The following SGCZ variants were observed in gnomAD, a reference collection of about 807,000 sequenced individuals.
The protein encoded by SGCZ is zeta-sarcoglycan.
A neutral mutation model predicts 41.3 loss-of-function variants in SGCZ; 40 were observed. The observed-to-expected ratio is 0.97, with a 90% CI of 0.75 to 1.26. SGCZ has a LOEUF of 1.26. Ranked by LOEUF, SGCZ falls within the 50% of genes most tolerant of loss-of-function variation. The probability of loss-of-function intolerance (pLI) is 0.00; values close to 1 mark genes in which losing one functional copy is unlikely to be tolerated. For missense variants in SGCZ, 552 were observed against 369.8 expected (o/e 1.49, Z -4.04); for synonymous variants, 206 against 137.5 (o/e 1.50, Z -3.49).
chr8:14,834,427 T>C (rs1369997008), intron 1 of SGCZ, among the ~76,000 whole-genome samples: 4 of 152,162 alleles, frequency 2.6e-5, no homozygotes, highest in Non-Finnish European at 5.9e-5. Context: ...AGGTTTATTT[T>C]TCATGCTACA....
intron 4 of SGCZ, among the ~76,000 whole-genome samples, chr8:14,214,861 A>C (rs1382855301): frequency 6.6e-6 from 1 of 152,176 alleles, no homozygotes; most frequent in African/African-American, 2.4e-5. Flanking sequence ...TCTTCACAAT[A>C]TATGAAGTAA....
At chr8:14,276,256 T>G (rs1206644315) in intron 3 of SGCZ, among the ~76,000 whole-genome samples, 1 of 152,154 alleles carries the variant, frequency 6.6e-6, no homozygotes, top group Non-Finnish European at 1.5e-5. Context: ...TGGTGTGTAT[T>G]TACTTGAGCC....
intron 1 of SGCZ, among the ~76,000 whole-genome samples, chr8:14,672,127 T>C (rs923754244): frequency 6.9e-4 from 105 of 152,270 alleles, no homozygotes; most frequent in African/African-American, 2.5e-3. Context: ...TAAAAAGAAC[T>C]GTGAGGTTCT....
intron 7 of SGCZ, among the ~76,000 whole-genome samples, chr8:14,099,957 CATCCATCATTTT>C (rs1002038432): frequency 8.9e-4 from 107 of 119,768 alleles, no homozygotes; most frequent in African/African-American, 2.7e-3. Context: ...TCCATCATTT[CATCCATCATTTT>C]AGATACCTCA....
intron 1 of SGCZ, among the ~76,000 whole-genome samples, chr8:15,171,816 CCTT>C (rs1799838451): frequency 2.0e-5 from 3 of 152,262 alleles, no homozygotes; most frequent in East Asian, 3.9e-4. Context: ...CCTAGTAAAA[CCTT>C]CTCTCAATTC....
chr8:14,455,856 G>A (rs6651381), intron 2 of SGCZ, among the ~76,000 whole-genome samples: 66,465 of 152,020 alleles, frequency 0.44, 15,298 homozygotes, highest in African/African-American at 0.58. Flanking sequence ...GTACAAAAGA[G>A]TGTTTGCAGT....
At chr8:14,727,788 G>A (rs984135891) in intron 1 of SGCZ, among the ~76,000 whole-genome samples, 3 of 152,046 alleles carry the variant, frequency 2.0e-5, no homozygotes, top group African/African-American at 7.2e-5. Flanking sequence ...CTGGGCGTGA[G>A]CCACCGCGCC....
rs751832978 is a variant in SGCZ, at chr8:14,087,258, G to C, written c.*3185C>G. On this transcript the variant is annotated 3_prime_UTR_variant, in exon 8 of 8. Transcript: ENST00000382080. ...AGTACCGGATAGAAATTTTGGAAAT[G>C]TTGAACAAGGGAAGTAGGAAATTTG... Among the ~76,000 whole-genome samples the C allele has an allele frequency of 6.6e-6, 1 of 151,412 alleles. No individual in the cohort carries two copies. Among genetic ancestry groups the C allele is most frequent in the South Asian group, 2.1e-4 (1 of 4,812 alleles).
intron 1 of SGCZ, among the ~76,000 whole-genome samples, chr8:14,614,424 G>C (rs552712003): frequency 6.6e-6 from 1 of 152,166 alleles, no homozygotes; most frequent in South Asian, 2.1e-4. Flanking sequence ...CATGAACAAA[G>C]TTCTGTATAT....
intron 2 of SGCZ, among the ~76,000 whole-genome samples, chr8:14,472,568 T>C (rs569129935): frequency 5.9e-5 from 9 of 152,262 alleles, no homozygotes; most frequent in Non-Finnish European, 1.3e-4. Context: ...GGGATATCAT[T>C]ACATTATAAG....
intron 1 of SGCZ, among the ~76,000 whole-genome samples, chr8:14,827,825 T>A (rs1253011428): frequency 8.5e-5 from 13 of 152,088 alleles, no homozygotes; most frequent in Admixed American, 8.5e-4. Context: ...GATACACATA[T>A]ACATAAACAC....
At chr8:14,099,440 T>C (rs898144350) in intron 7 of SGCZ, among the ~76,000 whole-genome samples, 1 of 152,144 alleles carries the variant, frequency 6.6e-6, no homozygotes. Flanking sequence ...CAAAAAATTG[T>C]TTTTGGTCAG....
At chr8:15,191,745 T>C (rs1047721914) in intron 1 of SGCZ, among the ~76,000 whole-genome samples, 1 of 152,010 alleles carries the variant, frequency 6.6e-6, no homozygotes, top group African/African-American at 2.4e-5. Context: ...ATAGAAGCAG[T>C]TGAAAAAATA....
At chr8:15,086,733 G>A (rs1241684517) in intron 1 of SGCZ, among the ~76,000 whole-genome samples, 2 of 151,788 alleles carry the variant, frequency 1.3e-5, no homozygotes, top group Admixed American at 6.6e-5. Flanking sequence ...CAACTGCTTT[G>A]TGGACCTGGA....
chr8:14,176,252 G>T (rs531573374), intron 4 of SGCZ, among the ~76,000 whole-genome samples: 6 of 152,190 alleles, frequency 3.9e-5, no homozygotes, highest in African/African-American at 1.4e-4. Flanking sequence ...TATTTTACAA[G>T]GCAGGTTATA....
intron 1 of SGCZ, among the ~76,000 whole-genome samples, chr8:14,932,742 T>C (rs1288426502): frequency 6.6e-6 from 1 of 152,056 alleles, no homozygotes; most frequent in East Asian, 1.9e-4. Context: ...ATTAATAGTC[T>C]AAACAAACTT....
intron 5 of SGCZ, among the ~76,000 whole-genome samples, chr8:14,121,877 TA>T (rs1802707076): frequency 6.6e-6 from 1 of 152,202 alleles, no homozygotes; most frequent in Admixed American, 6.5e-5. Flanking sequence ...GTAGGTTTTT[TA>T]AAAATTTTTT....
At chr8:15,203,011 G>A (rs1465742148) in intron 1 of SGCZ, among the ~76,000 whole-genome samples, 1 of 152,052 alleles carries the variant, frequency 6.6e-6, no homozygotes, top group Non-Finnish European at 1.5e-5. Context: ...TTGGGAGGCT[G>A]TGGTGGGAGA....
intron 1 of SGCZ, among the ~76,000 whole-genome samples, chr8:14,675,191 C>T (rs763551898): frequency 9.2e-5 from 14 of 151,590 alleles, no homozygotes; most frequent in Non-Finnish European, 1.8e-4. Flanking sequence ...CTGCCCACCT[C>T]GGCCTCCCAA....
Sources: allele counts gnomAD v4.1 joint callset (sites outside exome capture counted in the v4.1 genomes callset), GRCh38; gene constraint gnomAD v4.1.1; transcripts MANE v1.5; gene names NCBI Gene and HGNC (gene_info 2026-07-23, HGNC 2026-07-21).